The following MAP3K7 variants were observed in gnomAD, a reference collection of about 807,000 sequenced individuals.
The protein encoded by MAP3K7 is TGF-beta activated kinase 1.
In MAP3K7, 21 loss-of-function variants were observed where a neutral mutation model predicts 84.8. The observed-to-expected ratio is 0.25, with a 90% CI of 0.18 to 0.36. MAP3K7 has a LOEUF of 0.36. Ranked by LOEUF, MAP3K7 falls within the 10% of genes least tolerant of loss-of-function variation. The pLI is 1.00. For synonymous variants in MAP3K7, 241 were observed against 247.7 expected (o/e 0.97, Z 0.25); for missense variants, 503 against 747.7 (o/e 0.67, Z 3.82).
At chr6:90,522,022 GT>G (rs1419818872) in intron 14 of MAP3K7, among the ~76,000 whole-genome samples, 1 of 151,990 alleles carries the variant, frequency 6.6e-6, no homozygotes, top group Non-Finnish European at 1.5e-5. Flanking sequence ...TATTAGCTTG[GT>G]TATCAATATT....
intron 3 of MAP3K7, among the ~76,000 whole-genome samples, chr6:90,564,689 C>T (rs868686835): frequency 6.6e-6 from 1 of 152,068 alleles, no homozygotes; most frequent in Non-Finnish European, 1.5e-5. Context: ...AGGATATCCA[C>T]GAATTGAACT....
chr6:90,571,606 G>A, intron 2 of MAP3K7, 91 bp downstream of exon 2: 3 of 660,290 alleles, frequency 4.5e-6, no homozygotes, highest in Non-Finnish European at 7.2e-6. Flanking sequence ...ACAAAGAAAT[G>A]ACATCTGAGA....
intron 11 of MAP3K7, among the ~76,000 whole-genome samples, chr6:90,546,922 G>GA (rs1316947379): frequency 6.6e-6 from 1 of 151,952 alleles, no homozygotes; most frequent in Non-Finnish European, 1.5e-5. Context: ...TAGTATCACT[G>GA]AAAATCCCCA....
chr6:90,518,097 T>C (rs964714360), intron 16 of MAP3K7, among the ~76,000 whole-genome samples: 3 of 151,718 alleles, frequency 2.0e-5, no homozygotes, highest in African/African-American at 4.8e-5. Flanking sequence ...CTGGAAAAAA[T>C]GTATCTACAA....
chr6:90,575,107 G>C (rs1280711432), intron 1 of MAP3K7, among the ~76,000 whole-genome samples: 3 of 152,174 alleles, frequency 2.0e-5, no homozygotes, highest in Non-Finnish European at 4.4e-5. Context: ...AAAGAATTAA[G>C]TTTGTGTGTA....
At chr6:90,581,233 T>C (rs1777260165) in intron 1 of MAP3K7, among the ~76,000 whole-genome samples, 1 of 152,234 alleles carries the variant, frequency 6.6e-6, no homozygotes, top group Admixed American at 6.5e-5. Context: ...TTTGTGCTCT[T>C]AATTTATTAT....
Position 90,536,317 on chromosome 6 carries a change from A to T in MAP3K7, c.1356+20T>A. 6.3e-7 allele frequency: 1 copy of T among 1,597,760 alleles called. No individual in the cohort carries two copies. The highest frequency in any genetic ancestry group is 8.6e-7 in the Non-Finnish European group (1 of 1,165,792). ...CTGCCTAGTATTCTTCAAAGATAGA[A>T]AATTTGAATGTTGTCTTACCTGACC... On this transcript the variant is annotated intron_variant, in intron 13 of 16. Transcript: ENST00000369329.
intron 5 of MAP3K7, among the ~76,000 whole-genome samples, chr6:90,558,095 G>A (rs1386678962): frequency 6.6e-6 from 1 of 152,110 alleles, no homozygotes; most frequent in East Asian, 1.9e-4. Flanking sequence ...GGCTGAGGCG[G>A]GCAGATCACG....
chr6:90,574,799 C>G (rs1263186468), intron 1 of MAP3K7, among the ~76,000 whole-genome samples: 1 of 152,138 alleles, frequency 6.6e-6, no homozygotes, highest in African/African-American at 2.4e-5. Flanking sequence ...GCCATGGGAA[C>G]AAAATGTGGT....
At chr6:90,530,520 A>G (rs1025810772) in intron 13 of MAP3K7, among the ~76,000 whole-genome samples, 36 of 152,160 alleles carry the variant, frequency 2.4e-4, no homozygotes, top group African/African-American at 8.4e-4. Context: ...TCCCACTTGT[A>G]ATTTCCAACA....
In MAP3K7 at chr6:90,515,009, T is replaced by C. The variant is rs1774912675; in HGVS notation, c.*1492A>G. The stretch of plus-strand genomic sequence containing the variant: ...AGGAATTCATTACAAAACTCAGTGG[T>C]AGGAGGAAAAAATAATGGAAGAAAA... On this transcript the variant is annotated 3_prime_UTR_variant, in exon 17 of 17. Transcript: ENST00000369329. The C allele has an allele frequency of 6.6e-6, 1 of 152,018 alleles. No homozygotes were observed. Among genetic ancestry groups the C allele is most frequent in the African/African-American group, 2.4e-5 (1 of 41,516 alleles). The allele number at this position is 152,018 out of a possible 1,614,324, so 9.4% of individuals were successfully genotyped here. A position where few individuals can be genotyped will look rare whatever the true frequency, so the allele number is the denominator to read the frequency against.
chr6:90,572,569 T>TAA (rs398066048), intron 1 of MAP3K7, among the ~76,000 whole-genome samples: 5,482 of 143,910 alleles, frequency 0.038, 121 homozygotes, highest in African/African-American at 0.057. Context: ...ATGAAATTAT[T>TAA]AAAAAAAAAA....
At position 90,515,092 on chromosome 6, in the gene MAP3K7, T is replaced by C. The variant is rs1774915460; in HGVS notation, c.*1409A>G. 2 of 152,016 alleles carry C rather than the reference T, an allele frequency of 1.3e-5. No homozygotes were observed. Among genetic ancestry groups the C allele is most frequent in the South Asian group, 4.1e-4 (2 of 4,830 alleles). The allele number at this position is 152,016 out of a possible 1,614,324, so 9.4% of individuals were successfully genotyped here. A position where few individuals can be genotyped will look rare whatever the true frequency, so the allele number is the denominator to read the frequency against. ...TTGATAACTTCTTAGATCTTGCTTA[T>C]CTGAAATAGAGCAAAAACTACAATA... On this transcript the variant is annotated 3_prime_UTR_variant, in exon 17 of 17. Coordinates refer to ENST00000369329, the MANE Select transcript of MAP3K7 (RefSeq NM_145331.3).
chr6:90,532,628 T>C (rs1775545111), intron 13 of MAP3K7, among the ~76,000 whole-genome samples: 1 of 152,218 alleles, frequency 6.6e-6, no homozygotes, highest in African/African-American at 2.4e-5. Context: ...AAGAGAATTC[T>C]TGAATATAGA....
intron 13 of MAP3K7, among the ~76,000 whole-genome samples, chr6:90,526,345 C>A (rs964955596): frequency 1.3e-5 from 2 of 152,000 alleles, no homozygotes; most frequent in Admixed American, 6.6e-5. Flanking sequence ...ATGTACTAAG[C>A]TATAAAGCAA....
intron 9 of MAP3K7, 33 bp from the exon 10 acceptor site, chr6:90,548,210 C>A: frequency 6.3e-7 from 1 of 1,582,388 alleles, no homozygotes; most frequent in Non-Finnish European, 8.6e-7. Flanking sequence ...TGACTAATGG[C>A]TGGAAATAAT....
chr6:90,536,640 T>C (rs1315421855), intron 12 of MAP3K7: 7 of 447,998 alleles, frequency 1.6e-5, no homozygotes, highest in Non-Finnish European at 2.8e-5. Context: ...ACAGAGTATG[T>C]CCTAATACAA....
chr6:90,532,864 T>C (rs1198646179), intron 13 of MAP3K7, among the ~76,000 whole-genome samples: 2 of 152,220 alleles, frequency 1.3e-5, no homozygotes, highest in Non-Finnish European at 2.9e-5. Flanking sequence ...TGCAGACTAT[T>C]AGAAGCCAAA....
In MAP3K7 at chr6:90,515,015, G is replaced by A. The variant is rs1562071840; in HGVS notation, c.*1486C>T. ...TCATTACAAAACTCAGTGGTAGGAG[G>A]AAAAAATAATGGAAGAAAAAGTTAC... is the stretch of plus-strand genomic sequence containing the variant. On this transcript the variant is annotated 3_prime_UTR_variant, in exon 17 of 17. Transcript: ENST00000369329. 6.6e-6 allele frequency: 1 copy of A among 151,866 alleles called. No individual in the cohort carries two copies. The highest frequency in any genetic ancestry group is 1.5e-5 in the Non-Finnish European group (1 of 67,918). 9.4% of individuals were successfully genotyped at this position (151,866 alleles called of 1,614,324 possible).
Sources: allele counts gnomAD v4.1 joint callset (sites outside exome capture counted in the v4.1 genomes callset), GRCh38; gene constraint gnomAD v4.1.1; transcripts MANE v1.5; gene names NCBI Gene and HGNC (gene_info 2026-07-23, HGNC 2026-07-21).